Variants in DPYS observed in about 807,000 individuals in gnomAD.
The protein encoded by DPYS is dihydropyrimidinase, also known as dihydropyrimidine amidohydrolase.
In DPYS, 39 loss-of-function variants were observed where a neutral mutation model predicts 50.3. The observed-to-expected ratio is 0.78, with a 90% CI of 0.60 to 1.01. DPYS has a LOEUF of 1.01. Ranked by LOEUF, DPYS falls within the 50% of genes least tolerant of loss-of-function variation. The pLI, the probability that DPYS is intolerant of heterozygous loss-of-function variation, is 0.00. For synonymous variants in DPYS, 245 were observed against 250.7 expected, an observed-to-expected ratio of 0.98 and a Z score of 0.22; for missense variants, 659 against 680.9, an observed-to-expected ratio of 0.97 and a Z score of 0.36.
chr8:104,456,580 T>C (rs1813933035), intron 1 of DPYS, among the ~76,000 whole-genome samples: 1 of 152,220 alleles, frequency 6.6e-6, no homozygotes, highest in South Asian at 2.1e-4. Flanking sequence ...GGAATGAGTT[T>C]GGAGAAGCTG....
At chr8:104,382,556 T>TC (rs1554690068) in intron 8 of DPYS, among the ~76,000 whole-genome samples, 5 of 150,694 alleles carry the variant, frequency 3.3e-5, no homozygotes, top group Non-Finnish European at 4.4e-5. Context: ...TTTTTTTTTT[T>TC]CTTCTCCTGA....
chr8:104,444,430 T>C lies in DPYS; in HGVS notation c.611A>G (p.Lys204Arg). ...ENGDLIAEGAKKMLALGITGP... is the reference protein window; with the variant it reads ...ENGDLIAEGARKMLALGITGP... Reference sequence around the variant, plus strand: ...TGTTATCCCCAGAGCCAACATCTTCTTTGCTCCCTAAAAAGACAGCAGGAA... The same window carrying C: ...TGTTATCCCCAGAGCCAACATCTTCCTTGCTCCCTAAAAAGACAGCAGGAA... The change falls in exon 4 of 10, where the codon AAG (lysine) becomes AGG (arginine). Residue 204 changes from lysine (K) to arginine (R), a missense_variant. Transcript: ENST00000351513. The C allele has an allele frequency of 6.2e-7, 1 of 1,614,196 alleles. No homozygotes were observed. Among genetic ancestry groups the C allele is most frequent in the Non-Finnish European group, 8.5e-7 (1 of 1,180,032 alleles).
chr8:104,425,404 C>G (rs1321216188), intron 6 of DPYS, among the ~76,000 whole-genome samples: 2 of 151,806 alleles, frequency 1.3e-5, no homozygotes, highest in Non-Finnish European at 2.9e-5. Flanking sequence ...CTTTTAATGG[C>G]AAAAACTGCA....
Position 104,424,261 on chromosome 8 carries a change from G to T in DPYS, c.1221C>A (p.Asp407Glu). The change falls in exon 7 of 10, where the codon GAC (aspartate) becomes GAA (glutamate). Residue 407 changes from aspartate to glutamate, a missense_variant. Transcript: ENST00000351513. ...CTTAGACTTACCTTGTGCCTTTTGG[G>T]TCCCAAATAACAATGTCAGCATCTG... is the stretch of plus-strand genomic sequence containing the variant. Reference protein sequence around the residue: ...VGSDADIVIWDPKGTRTISAK... With the variant: ...VGSDADIVIWEPKGTRTISAK... The T allele has an allele frequency of 1.2e-6, 2 of 1,614,050 alleles. No homozygotes were observed. Among genetic ancestry groups the T allele is most frequent in the African/African-American group, 1.3e-5 (1 of 75,018 alleles).
At chr8:104,456,097 T>C in intron 1 of DPYS, among the ~76,000 whole-genome samples, 1 of 152,128 alleles carries the variant, frequency 6.6e-6, no homozygotes, top group East Asian at 1.9e-4. Flanking sequence ...TGTCATTGCC[T>C]ATGGTATTCA....
Position 104,466,977 on chromosome 8 carries a change from G to A in DPYS, c.-57C>T. 1.5e-6 allele frequency: 2 copies of A among 1,342,754 alleles called. No homozygotes were observed. Among genetic ancestry groups the A allele is most frequent in the Non-Finnish European group, 9.6e-7 (1 of 1,045,200 alleles). The allele number at this position is 1,342,754 out of a possible 1,614,324, so 83.2% of individuals were successfully genotyped here. ...GGGCTGCGCGCAGGGGCTGGGTTGG[G>A]CGGGCCGGGCGGGCTTGGGGTGCCC... On this transcript the variant is annotated 5_prime_UTR_variant, in exon 1 of 10. Transcript: ENST00000351513.
intron 7 of DPYS, among the ~76,000 whole-genome samples, chr8:104,406,060 G>T (rs575759522): frequency 2.6e-5 from 4 of 152,186 alleles, no homozygotes; most frequent in Admixed American, 1.3e-4. Context: ...CTCCCCCTGG[G>T]TTACACCGTC....
At position 104,446,245 on chromosome 8, in the gene DPYS, C is replaced by A. The variant is rs531532477; in HGVS notation, c.603+1079G>T. Among the ~76,000 whole-genome samples the A allele has an allele frequency of 2.6e-5, 4 of 151,918 alleles. No homozygotes were observed. In the South Asian group the frequency reaches 8.3e-4, roughly 32 times the overall value. On this transcript the variant is annotated intron_variant, in intron 3 of 9. Coordinates refer to ENST00000351513, the MANE Select transcript of DPYS (RefSeq NM_001385.3). Reference sequence around the variant, plus strand: ...TCATAAATATATACACTACTATGTACCCCACAAAAATAAAAAAATTTAAAA... The same window carrying A: ...TCATAAATATATACACTACTATGTAACCCACAAAAATAAAAAAATTTAAAA...
At chr8:104,416,095 A>C (rs1812358513) in intron 7 of DPYS, among the ~76,000 whole-genome samples, 1 of 152,256 alleles carries the variant, frequency 6.6e-6, no homozygotes, top group Non-Finnish European at 1.5e-5. Flanking sequence ...CAGAAAAATT[A>C]AATGATATAC....
chr8:104,443,878 G>A (rs1813436014), intron 4 of DPYS, among the ~76,000 whole-genome samples: 1 of 152,198 alleles, frequency 6.6e-6, no homozygotes, highest in South Asian at 2.1e-4. Flanking sequence ...GGGCGACAAA[G>A]TGAGACTCCA....
intron 8 of DPYS, among the ~76,000 whole-genome samples, chr8:104,385,296 T>C (rs1811176361): frequency 6.6e-6 from 1 of 152,200 alleles, no homozygotes; most frequent in South Asian, 2.1e-4. Context: ...CAAACATTTA[T>C]TAAATGAAGG....
intron 4 of DPYS, among the ~76,000 whole-genome samples, chr8:104,433,541 T>C (rs911294913): frequency 1.3e-4 from 19 of 151,930 alleles, no homozygotes; most frequent in African/African-American, 4.6e-4. Flanking sequence ...GGCTGAGGCA[T>C]GAGAATCACT....
At chr8:104,423,967 C>T in intron 7 of DPYS, 6 of 984,740 alleles carry the variant, frequency 6.1e-6, no homozygotes, top group Non-Finnish European at 7.2e-6. Flanking sequence ...CATGTGAACT[C>T]GGGCATTTGC....
At chr8:104,388,617 A>G (rs766857682) in intron 8 of DPYS, among the ~76,000 whole-genome samples, 6 of 152,128 alleles carry the variant, frequency 3.9e-5, no homozygotes, top group African/African-American at 7.2e-5. Flanking sequence ...TCCTTAAACA[A>G]CTTTTATATG....
chr8:104,402,876 C>T (rs959430447), intron 7 of DPYS, among the ~76,000 whole-genome samples: 1 of 152,086 alleles, frequency 6.6e-6, no homozygotes, highest in Non-Finnish European at 1.5e-5. Flanking sequence ...AGCTCACACC[C>T]GACCAATCAG....
chr8:104,389,661 T>C (rs1588398583), intron 8 of DPYS, among the ~76,000 whole-genome samples: 1 of 152,164 alleles, frequency 6.6e-6, no homozygotes, highest in African/African-American at 2.4e-5. Context: ...TTAATCCTAC[T>C]GAGACTCAGC....
intron 1 of DPYS, among the ~76,000 whole-genome samples, chr8:104,466,063 G>A (rs1814376747): frequency 6.6e-6 from 1 of 151,800 alleles, no homozygotes. Context: ...TCTACTGGGG[G>A]TGGGAGTGGG....
chr8:104,380,574 A>G (rs1046842544), intron 9 of DPYS: 2 of 153,450 alleles, frequency 1.3e-5, no homozygotes, highest in African/African-American at 4.8e-5. Context: ...GACAAGGATG[A>G]TGATACGAGG....
intron 3 of DPYS, among the ~76,000 whole-genome samples, 197 bp from the exon 4 acceptor site, chr8:104,444,634 T>C (rs547997157): frequency 6.6e-6 from 1 of 152,308 alleles, no homozygotes; most frequent in East Asian, 1.9e-4. Context: ...ACATGTATAT[T>C]TGGTAAAAAT....
Sources: gnomAD v4.1 joint callset for allele counts (sites outside exome capture counted in the v4.1 genomes callset) on GRCh38, gnomAD v4.1.1 for gene constraint, MANE v1.5 for transcripts, NCBI Gene and HGNC (gene_info 2026-07-23, HGNC 2026-07-21) for gene names.